STX3: variants seen among roughly 807,000 people sequenced by gnomAD.
The protein encoded by STX3 is syntaxin-3.
STX3 carries 19 observed loss-of-function variants against 40.2 expected under a neutral mutation model. The observed-to-expected ratio is 0.47, with a 90% CI of 0.33 to 0.69. STX3 has a LOEUF of 0.69. Ranked by LOEUF, STX3 falls within the 30% of genes least tolerant of loss-of-function variation. The pLI is 0.02. For synonymous variants in STX3, 122 were observed against 132.2 expected, an observed-to-expected ratio of 0.92 and a Z score of 0.53; for missense variants, 364 against 366.7, an observed-to-expected ratio of 0.99 and a Z score of 0.06.
chr11:59,802,367 A>G lies in STX3; in HGVS notation c.*1543A>G, dbSNP rs1434099490. The G allele has an allele frequency of 3.0e-6, 3 of 985,384 alleles. No individual in the cohort carries two copies. In the Admixed American group the frequency reaches 1.8e-4, roughly 61 times the overall value. 61.0% of individuals were successfully genotyped at this position (985,384 alleles called of 1,614,324 possible). On this transcript the variant is annotated 3_prime_UTR_variant, in exon 11 of 11. Transcript: ENST00000337979. ...GGTACCATGTATATTTTCCGCTTTG[A>G]CTTTAACGCTTTCTAGGATAGGGTA...
chr11:59,777,198 T>C (rs1156334999), intron 2 of STX3, among the ~76,000 whole-genome samples: 1 of 152,240 alleles, frequency 6.6e-6, no homozygotes, highest in Admixed American at 6.5e-5. Flanking sequence ...AAATTCTGCC[T>C]GCAGAGAGGA....
chr11:59,791,231 T>A (rs1438720841), intron 5 of STX3, among the ~76,000 whole-genome samples: 3 of 151,992 alleles, frequency 2.0e-5, no homozygotes, highest in African/African-American at 4.8e-5. Flanking sequence ...TTGGTAGTGG[T>A]GGTGGGTAGA....
intron 2 of STX3, among the ~76,000 whole-genome samples, chr11:59,786,595 C>A (rs368575374): frequency 5.5e-4 from 83 of 152,046 alleles, no homozygotes; most frequent in African/African-American, 2.0e-3. Context: ...GTTTTTCACT[C>A]TCTAGGTTTG....
At position 59,802,577 on chromosome 11, in the gene STX3, T is replaced by G. The variant is rs1865929314; in HGVS notation, c.*1753T>G. 1 of 985,768 alleles carries G rather than the reference T, an allele frequency of 1.0e-6. No homozygotes were observed. Among genetic ancestry groups the G allele is most frequent in the Non-Finnish European group, 1.2e-6 (1 of 829,948 alleles). 61.1% of individuals were successfully genotyped at this position (985,768 alleles called of 1,614,324 possible). A position where few individuals can be genotyped will look rare whatever the true frequency, so the allele number is the denominator to read the frequency against. On this transcript the variant is annotated 3_prime_UTR_variant, in exon 11 of 11. Transcript: ENST00000337979. ...AAAGGCCTTTGCTCTCCTCTGACAT[T>G]GAGGCCTGGGGCTTACAGTTTGGAA...
At chr11:59,781,264 G>A (rs1422503224) in intron 2 of STX3, 1 of 1,373,634 alleles carries the variant, frequency 7.3e-7, no homozygotes, top group Non-Finnish European at 1.0e-6. Context: ...ATTGAACTGA[G>A]CTTGGTCATT....
chr11:59,780,253 A>G (rs942177826), intron 2 of STX3, among the ~76,000 whole-genome samples: 1 of 151,946 alleles, frequency 6.6e-6, no homozygotes, highest in Non-Finnish European at 1.5e-5. Flanking sequence ...GGCTTTTGGG[A>G]GGTAATTAGG....
chr11:59,793,881 C>G lies in STX3; in HGVS notation c.675+367C>G, dbSNP rs150385373. Among the ~76,000 whole-genome samples the G allele has an allele frequency of 2.3e-3, 343 of 151,528 alleles. 1 individual carries two copies. Among genetic ancestry groups the G allele is most frequent in the Non-Finnish European group, 3.9e-3 (265 of 67,904 alleles). On this transcript the variant is annotated intron_variant, in intron 8 of 10. Transcript: ENST00000337979. ...AGTGCAGTGGCGTGATCACAGCTCA[C>G]TGCAGCTTGACCTCCCAGGATCAAG...
chr11:59,787,100 T>C lies in STX3; in HGVS notation c.178T>C (p.Tyr60His), dbSNP rs140285651. 576 of 1,614,072 alleles carry C rather than the reference T, an allele frequency of 3.6e-4. No individual in the cohort carries two copies. Among genetic ancestry groups the C allele is most frequent in the Non-Finnish European group, 4.6e-4 (543 of 1,180,030 alleles). Residue 60 changes from tyrosine (Y) to histidine (H), a missense_variant, in exon 3 of 11, where the codon TAC becomes CAC. Transcript: ENST00000337979. Reference sequence around the variant, plus strand: ...ACATGTAGAGGAGGCTAAGAAACTCTACAGTATCATTCTCTCTGCACCGAT... The same window carrying C: ...ACATGTAGAGGAGGCTAAGAAACTCCACAGTATCATTCTCTCTGCACCGAT... ...SEHVEEAKKL[Y>H]SIILSAPIPE...
intron 2 of STX3, among the ~76,000 whole-genome samples, chr11:59,783,769 A>T (rs539728320): frequency 2.0e-5 from 3 of 152,296 alleles, no homozygotes; most frequent in Non-Finnish European, 4.4e-5. Flanking sequence ...TTCTAAGAAA[A>T]AGCAAAGCCA....
At chr11:59,799,718 C>T in intron 10 of STX3, 1 of 985,384 alleles carries the variant, frequency 1.0e-6, no homozygotes, top group Non-Finnish European at 1.2e-6. Context: ...ACCAGGGGAT[C>T]TAAAAGTCAG....
rs1865951418 is a variant in STX3, at chr11:59,803,018, T to C, written c.*2194T>C. On this transcript the variant is annotated 3_prime_UTR_variant, in exon 11 of 11. Coordinates refer to ENST00000337979, the MANE Select transcript of STX3 (RefSeq NM_004177.5). ...GGAATGACCATACCAAACATCCTTT[T>C]AATCTAACTTGAATGTCTCACCAAA... The C allele has an allele frequency of 5.3e-6, 5 of 949,662 alleles. No homozygotes were observed. In the African/African-American group the frequency reaches 1.1e-4, roughly 20 times the overall value. The allele number at this position is 949,662 out of a possible 1,614,324, so 58.8% of individuals were successfully genotyped here. A position where few individuals can be genotyped will look rare whatever the true frequency, so the allele number is the denominator to read the frequency against.
intron 2 of STX3, among the ~76,000 whole-genome samples, chr11:59,774,288 A>T (rs1863831842): frequency 6.6e-6 from 1 of 152,062 alleles, no homozygotes; most frequent in Non-Finnish European, 1.5e-5. Context: ...GTTCCTTAAC[A>T]ATCTGTGTCT....
intron 1 of STX3, among the ~76,000 whole-genome samples, chr11:59,769,529 G>C (rs1863454016): frequency 6.6e-6 from 1 of 152,164 alleles, no homozygotes; most frequent in Non-Finnish European, 1.5e-5. Flanking sequence ...GAAACAGCAG[G>C]TTTTGGATCT....
In STX3 at chr11:59,755,410, G is replaced by C. The variant is rs945624041; in HGVS notation, c.-196G>C. On this transcript the variant is annotated 5_prime_UTR_variant, in exon 1 of 11. Transcript: ENST00000337979. ...GCGCGAGGCGCCGGTGGGGGCGGAG[G>C]GGGCTGCGCGGCGGAGGCTCCCGTG... 2.3e-6 allele frequency: 1 copy of C among 444,438 alleles called. No individual in the cohort carries two copies. Among genetic ancestry groups the C allele is most frequent in the East Asian group, 4.0e-5 (1 of 25,042 alleles). The allele number at this position is 444,438 out of a possible 1,614,324, so 27.5% of individuals were successfully genotyped here. A position where few individuals can be genotyped will look rare whatever the true frequency, so the allele number is the denominator to read the frequency against.
At chr11:59,800,246 A>T (rs1865799990) in intron 10 of STX3, 1 of 985,200 alleles carries the variant, frequency 1.0e-6, no homozygotes, top group South Asian at 4.7e-5. Flanking sequence ...CACCCAAGGG[A>T]GAGAGGTCTC....
At chr11:59,757,122 C>T (rs1376282552) in intron 1 of STX3, among the ~76,000 whole-genome samples, 1 of 152,070 alleles carries the variant, frequency 6.6e-6, no homozygotes, top group African/African-American at 2.4e-5. Flanking sequence ...AATTTATTGC[C>T]CCTGTTTTTA....
intron 10 of STX3, chr11:59,800,479 G>A: frequency 1.0e-6 from 1 of 985,394 alleles, no homozygotes; most frequent in Non-Finnish European, 1.2e-6. Flanking sequence ...AAAGGCAGCA[G>A]GGAGTTCATG....
At chr11:59,755,919 T>G (rs1056138214) in intron 1 of STX3, among the ~76,000 whole-genome samples, 21 of 152,212 alleles carry the variant, frequency 1.4e-4, no homozygotes, top group African/African-American at 5.1e-4. Flanking sequence ...AAGCGGGTGC[T>G]TGGGCCCGGG....
intron 3 of STX3, 79 bp downstream of exon 3, chr11:59,787,215 C>A: frequency 7.9e-7 from 1 of 1,268,966 alleles, no homozygotes; most frequent in South Asian, 1.2e-5. Flanking sequence ...TCTTGCCCTT[C>A]GTGAGCAGTA....
Sources: gnomAD v4.1 joint callset for allele counts (sites outside exome capture counted in the v4.1 genomes callset) on GRCh38, gnomAD v4.1.1 for gene constraint, MANE v1.5 for transcripts, NCBI Gene and HGNC (gene_info 2026-07-23, HGNC 2026-07-21) for gene names.